The following ATP6V0D1 variants were observed in gnomAD, a reference collection of about 807,000 sequenced individuals.
The protein encoded by ATP6V0D1 is ATPase H+ transporting V0 subunit d1.
ATP6V0D1 carries 13 observed loss-of-function variants against 39.0 expected under a neutral mutation model. The ratio of observed to expected loss-of-function variants is 0.33; its 90% confidence interval spans 0.22 to 0.53. The LOEUF (loss-of-function observed/expected upper bound fraction) is 0.53, where lower values mean the gene tolerates loss of function less well. Ranked by LOEUF, ATP6V0D1 falls within the 20% of genes least tolerant of loss-of-function variation. The pLI is 0.94. For missense variants in ATP6V0D1, 272 were observed against 470.9 expected, an observed-to-expected ratio of 0.58 and a Z score of 3.91; for synonymous variants, 191 against 191.2, an observed-to-expected ratio of 1.00 and a Z score of 0.01.
chr16:67,465,240 C>A (rs898452568), intron 1 of ATP6V0D1, among the ~76,000 whole-genome samples: 1 of 152,224 alleles, frequency 6.6e-6, no homozygotes, highest in African/African-American at 2.4e-5. Flanking sequence ...GATAACCCAT[C>A]GCCAGCCTGA....
chr16:67,459,166 G>T, intron 1 of ATP6V0D1: 1 of 985,530 alleles, frequency 1.0e-6, no homozygotes, highest in Non-Finnish European at 1.2e-6. Context: ...CTCTGCTCCA[G>T]CAAGTGCTCC....
chr16:67,476,221 C>CA lies in ATP6V0D1; in HGVS notation c.130+4735dup, dbSNP rs34393931. Among the ~76,000 whole-genome samples the CA allele has an allele frequency of 8.6e-3, 1,080 of 125,964 alleles. 4 individuals carry two copies. Among genetic ancestry groups the CA allele is most frequent in the Non-Finnish European group, 0.011 (627 of 55,906 alleles). The allele number at this position is 125,964 out of a possible 152,430, so 82.6% of individuals were successfully genotyped here. A position where few individuals can be genotyped will look rare whatever the true frequency, so the allele number is the denominator to read the frequency against. On this transcript the variant is annotated intron_variant, in intron 1 of 7. Transcript: ENST00000290949. ...TGGGCAAGAAAACAAGATTCCATTC[C>CA]AAAAAAAAAAAAAACCAGACATCTC... is the stretch of plus-strand genomic sequence containing the variant.
At chr16:67,441,536 C>T (rs9940901) in intron 4 of ATP6V0D1, 12,439 of 152,376 alleles carry the variant, frequency 0.082, 1,679 homozygotes, top group African/African-American at 0.28. Context: ...CGGCAACAGG[C>T]CAGCTAGGCG....
intron 1 of ATP6V0D1, among the ~76,000 whole-genome samples, 197 bp downstream of exon 1, chr16:67,480,760 G>C (rs2041464737): frequency 6.6e-6 from 1 of 152,188 alleles, no homozygotes; most frequent in Non-Finnish European, 1.5e-5. Context: ...GGTTCTTAAA[G>C]CCTTGTTTGA....
intron 1 of ATP6V0D1, among the ~76,000 whole-genome samples, chr16:67,475,835 G>A (rs2041409985): frequency 6.6e-6 from 1 of 152,176 alleles, no homozygotes; most frequent in Non-Finnish European, 1.5e-5. Context: ...CTCAGATTAT[G>A]GTCTCTAAAT....
chr16:67,440,281 G>A (rs909329206), intron 4 of ATP6V0D1: 3 of 152,290 alleles, frequency 2.0e-5, no homozygotes, highest in African/African-American at 4.8e-5. Context: ...GGCTGCCGGC[G>A]GGAACAAGCA....
chr16:67,466,098 C>CAA (rs2041326832), intron 1 of ATP6V0D1, among the ~76,000 whole-genome samples: 1 of 152,142 alleles, frequency 6.6e-6, no homozygotes, highest in Non-Finnish European at 1.5e-5. Flanking sequence ...ATCACTGCCT[C>CAA]AGACTCCTGG....
At chr16:67,479,039 C>T (rs1466691701) in intron 1 of ATP6V0D1, among the ~76,000 whole-genome samples, 3 of 152,224 alleles carry the variant, frequency 2.0e-5, no homozygotes, top group Middle Eastern at 6.8e-3. Flanking sequence ...CCCAGGCAGC[C>T]TCCCTCTATT....
rs371926237 is a variant in ATP6V0D1, at chr16:67,453,822, G to A, written c.131-107C>T. On this transcript the variant is annotated intron_variant, in intron 1 of 7. Transcript: ENST00000290949. The surrounding 1 kb of genome is among the most constrained non-coding windows in gnomAD (Gnocchi z 4.1). ...AGCCCCAGCTCTCCCCTGCAGTTGT[G>A]TCCCGCTACTACCCTGATCTCCATC... 6 of 1,063,856 alleles carry A rather than the reference G, an allele frequency of 5.6e-6. No individual in the cohort carries two copies. In the African/African-American group the frequency reaches 6.2e-5, roughly 11 times the overall value. The allele number at this position is 1,063,856 out of a possible 1,614,324, so 65.9% of individuals were successfully genotyped here.
At chr16:67,448,270 T>G (rs1188800707) in intron 2 of ATP6V0D1, among the ~76,000 whole-genome samples, 1 of 143,716 alleles carries the variant, frequency 7.0e-6, no homozygotes. Context: ...GAGGATCACT[T>G]GAGCCCAGGA....
At chr16:67,458,395 G>A (rs2041260182) in intron 1 of ATP6V0D1, among the ~76,000 whole-genome samples, 1 of 152,202 alleles carries the variant, frequency 6.6e-6, no homozygotes, top group Non-Finnish European at 1.5e-5. Flanking sequence ...CAGCCTCTGA[G>A]GGCAGCCAAG....
At position 67,443,115 on chromosome 16, in the gene ATP6V0D1, C is replaced by A; in HGVS notation, c.545G>T (p.Arg182Leu). The A allele has an allele frequency of 1.9e-6, 3 of 1,613,758 alleles. No homozygotes were observed. The highest frequency in any genetic ancestry group is 2.5e-6 in the Non-Finnish European group (3 of 1,179,982). The change falls in exon 4 of 8, where the codon CGC becomes CTC. Residue 182 changes from arginine (R) to leucine (L), a missense_variant. By Grantham distance (102) the Arg-to-Leu change is moderately radical. Coordinates refer to ENST00000290949, the MANE Select transcript of ATP6V0D1 (RefSeq NM_004691.5). ...GGGCATTACCTTGTAGAGGGTGTTG[C>A]GGATGATCTCGATGTTCATCTCGTC... ...DLDEMNIEII[R>L]NTLYKAYLES...
At chr16:67,467,273 G>A (rs1567541485) in intron 1 of ATP6V0D1, among the ~76,000 whole-genome samples, 1 of 152,178 alleles carries the variant, frequency 6.6e-6, no homozygotes, top group Non-Finnish European at 1.5e-5. Context: ...TTGGGAGACC[G>A]AGGTGGGCGG....
intron 1 of ATP6V0D1, among the ~76,000 whole-genome samples, chr16:67,463,850 G>A (rs940824254): frequency 2.0e-5 from 3 of 152,208 alleles, no homozygotes; most frequent in African/African-American, 7.2e-5. Context: ...GCCAGAGTGA[G>A]CCAGTGCTGT....
chr16:67,443,138 G>A lies in ATP6V0D1; in HGVS notation c.522C>T (p.Asp174=), dbSNP rs1040061766. The change falls in exon 4 of 8, where the codon GAC becomes GAT. Residue 174 remains aspartate (D), a synonymous_variant. Coordinates refer to ENST00000290949, the MANE Select transcript of ATP6V0D1 (RefSeq NM_004691.5). ...FQDCISEQDL[D]EMNIEIIRNT... ...TGCGGATGATCTCGATGTTCATCTC[G>A]TCAAGGTCCTGCTCTGAAATGCAGT... 22 of 1,613,854 alleles carry A rather than the reference G, an allele frequency of 1.4e-5. No homozygotes were observed. The highest frequency in any genetic ancestry group is 2.2e-5 in the South Asian group (2 of 91,076).
intron 1 of ATP6V0D1, among the ~76,000 whole-genome samples, chr16:67,472,860 A>G (rs1367073372): frequency 6.6e-6 from 1 of 152,142 alleles, no homozygotes; most frequent in Non-Finnish European, 1.5e-5. Context: ...ACAGAGCAAG[A>G]CTGTCTCAAA....
Position 67,453,061 on chromosome 16 carries a change from G to C in ATP6V0D1, c.302+483C>G, listed in dbSNP as rs186409719. 2.9e-3 allele frequency among the ~76,000 whole-genome samples: 442 copies of C among 152,326 alleles called. 2 individuals are homozygous for C. Among genetic ancestry groups the C allele is most frequent in the African/African-American group, 9.6e-3 (398 of 41,572 alleles). On this transcript the variant is annotated intron_variant, in intron 2 of 7. Coordinates refer to ENST00000290949, the MANE Select transcript of ATP6V0D1 (RefSeq NM_004691.5). The surrounding 1 kb of genome is among the most constrained non-coding windows in gnomAD (Gnocchi z 4.1). ...CCCAGGGCCATGGTCAGAGCAGATA[G>C]AGAATGGGCCTATCCTAAGACCTTG... is the stretch of plus-strand genomic sequence containing the variant.
Position 67,438,249 on chromosome 16 carries a change from C to T in ATP6V0D1, c.*279G>A, listed in dbSNP as rs758540874. On this transcript the variant is annotated 3_prime_UTR_variant, in exon 8 of 8. Coordinates refer to ENST00000290949, the MANE Select transcript of ATP6V0D1 (RefSeq NM_004691.5). ...ATGAAAGTGACATGCTTCTTAGATA[C>T]ATCAGCGGCTGTAACCACAGGGCTG... 7 of 484,140 alleles carry T rather than the reference C, an allele frequency of 1.4e-5. No individual in the cohort carries two copies. The highest frequency in any genetic ancestry group is 2.6e-5 in the Non-Finnish European group (7 of 268,092). The allele number at this position is 484,140 out of a possible 1,614,324, so 30.0% of individuals were successfully genotyped here. A position where few individuals can be genotyped will look rare whatever the true frequency, so the allele number is the denominator to read the frequency against.
rs1282704541 is a variant in ATP6V0D1, at chr16:67,466,497, C to G, written c.131-12782G>C. ...TGAGCCAAGATTGTGCCATTGCACT[C>G]CAGCCTGGGCAACAAGAATAAAACT... On this transcript the variant is annotated intron_variant, in intron 1 of 7. Coordinates refer to ENST00000290949, the MANE Select transcript of ATP6V0D1 (RefSeq NM_004691.5). Among the ~76,000 whole-genome samples, 4 of 150,832 alleles carry G rather than the reference C, an allele frequency of 2.7e-5. No individual in the cohort carries two copies. The South Asian group carries it at 6.3e-4, about 24-fold the overall frequency.
Sources: allele counts gnomAD v4.1 joint callset (sites outside exome capture counted in the v4.1 genomes callset), GRCh38; gene constraint gnomAD v4.1.1; non-coding constraint Gnocchi (gnomAD v3.1); transcripts MANE v1.5; gene names NCBI Gene and HGNC (gene_info 2026-07-23, HGNC 2026-07-21).